The following ASCC1 variants were observed in gnomAD, a reference collection of about 807,000 sequenced individuals.
ASCC1 encodes ASC-1 complex subunit P50.
ASCC1 carries 35 observed loss-of-function variants against 46.6 expected under a neutral mutation model. That is an observed-to-expected ratio of 0.75 (90% CI 0.57 to 0.99). The LOEUF (loss-of-function observed/expected upper bound fraction) is 0.99. ASCC1 is among the 50% of genes least tolerant of loss of function. The pLI is 0.00. For missense variants in ASCC1, 376 were observed against 428.7 expected, an observed-to-expected ratio of 0.88 and a Z score of 1.09; for synonymous variants, 143 against 146.6, an observed-to-expected ratio of 0.98 and a Z score of 0.18.
chr10:72,111,396 G>A (rs190961900), intron 9 of ASCC1, among the ~76,000 whole-genome samples: 1 of 152,188 alleles, frequency 6.6e-6, no homozygotes, highest in African/African-American at 2.4e-5. Flanking sequence ...TGAAGTGGGA[G>A]GATCACTTAA....
chr10:72,114,737 T>C (rs181527967), intron 9 of ASCC1, among the ~76,000 whole-genome samples: 34 of 152,334 alleles, frequency 2.2e-4, no homozygotes, highest in African/African-American at 7.9e-4. Context: ...TTAGTTTATC[T>C]TGAGGGCCTA....
intron 8 of ASCC1, among the ~76,000 whole-genome samples, chr10:72,129,392 A>G (rs1845289920): frequency 6.6e-6 from 1 of 152,240 alleles, no homozygotes; most frequent in Admixed American, 6.5e-5. Flanking sequence ...ATGAAGCACC[A>G]GGCATGGTGG....
At chr10:72,122,828 T>G (rs1237756163) in intron 9 of ASCC1, among the ~76,000 whole-genome samples, 3 of 151,880 alleles carry the variant, frequency 2.0e-5, no homozygotes, top group Non-Finnish European at 4.4e-5. Flanking sequence ...CAAGAGAGAT[T>G]TAAAATATTT....
intron 8 of ASCC1, among the ~76,000 whole-genome samples, chr10:72,131,146 C>A (rs369410216): frequency 6.6e-6 from 1 of 152,074 alleles, no homozygotes; most frequent in African/African-American, 2.4e-5. Flanking sequence ...CTGGGCCGGG[C>A]GCAGTGGCTC....
chr10:72,152,181 T>TTG (rs1554831696), intron 7 of ASCC1, among the ~76,000 whole-genome samples: 5 of 150,668 alleles, frequency 3.3e-5, no homozygotes, highest in African/African-American at 1.2e-4. Flanking sequence ...GGTTTTTTTT[T>TTG]TTTTGTTTTT....
At chr10:72,158,047 TAAG>T (rs1302153188) in intron 6 of ASCC1, among the ~76,000 whole-genome samples, 1 of 152,050 alleles carries the variant, frequency 6.6e-6, no homozygotes, top group Admixed American at 6.6e-5. Context: ...GATGGGGTAC[TAAG>T]AAGAAAAAAA....
chr10:72,215,038 TTAGA>T (rs1245591384), intron 1 of ASCC1, among the ~76,000 whole-genome samples: 3 of 152,248 alleles, frequency 2.0e-5, no homozygotes, highest in South Asian at 2.1e-4. Flanking sequence ...CACGTACAGC[TTAGA>T]TAGTCTTGAA....
intron 7 of ASCC1, among the ~76,000 whole-genome samples, chr10:72,151,931 C>T (rs945368655): frequency 1.4e-4 from 21 of 151,478 alleles, no homozygotes; most frequent in Admixed American, 5.3e-4. Context: ...CCTCGTGATC[C>T]GCCCACCTCA....
At chr10:72,200,260 T>C (rs11000214) in intron 4 of ASCC1, among the ~76,000 whole-genome samples, 20,822 of 152,146 alleles carry the variant, frequency 0.14, 4,067 homozygotes, top group African/African-American at 0.43. Flanking sequence ...ATAGCAATTA[T>C]GTTTGGGGTT....
In ASCC1 at chr10:72,103,226, G is replaced by A. The variant is rs567260156; in HGVS notation, c.958-5776C>T. 2.3e-3 allele frequency among the ~76,000 whole-genome samples: 353 copies of A among 151,248 alleles called. 5 individuals carry two copies. The highest frequency in any genetic ancestry group is 8.0e-3 in the African/African-American group (328 of 41,048). Reference sequence around the variant, plus strand: ...CAGCTCACTGCAAGCTCCACCTCCCGGGTTCATGCCATTCTCCTGCCTCAG... The same window carrying A: ...CAGCTCACTGCAAGCTCCACCTCCCAGGTTCATGCCATTCTCCTGCCTCAG... On this transcript the variant is annotated intron_variant, in intron 9 of 9. Coordinates refer to ENST00000672957, the MANE Select transcript of ASCC1 (RefSeq NM_001198800.3).
intron 7 of ASCC1, among the ~76,000 whole-genome samples, chr10:72,151,501 G>A (rs898176636): frequency 1.3e-5 from 2 of 151,912 alleles, no homozygotes; most frequent in African/African-American, 4.8e-5. Flanking sequence ...TGTAAATGAC[G>A]AGTTAATGGG....
chr10:72,213,778 A>G (rs1178551040), intron 1 of ASCC1, among the ~76,000 whole-genome samples: 2 of 151,856 alleles, frequency 1.3e-5, no homozygotes, highest in African/African-American at 4.8e-5. Context: ...GGTGGCTCAC[A>G]CCTGTAATCC....
At chr10:72,197,687 C>CTTGAA (rs1230866035) in intron 4 of ASCC1, among the ~76,000 whole-genome samples, 3 of 151,804 alleles carry the variant, frequency 2.0e-5, no homozygotes, top group Non-Finnish European at 4.4e-5. Context: ...GGGCAGATCA[C>CTTGAA]TTGAGGTCAG....
At chr10:72,115,184 T>C (rs929964253) in intron 9 of ASCC1, among the ~76,000 whole-genome samples, 1 of 152,186 alleles carries the variant, frequency 6.6e-6, no homozygotes, top group Admixed American at 6.5e-5. Context: ...AGTGTTCTAT[T>C]GATGCATAAG....
At chr10:72,156,491 G>A (rs910980307) in intron 6 of ASCC1, among the ~76,000 whole-genome samples, 9 of 152,148 alleles carry the variant, frequency 5.9e-5, no homozygotes, top group Admixed American at 3.9e-4. Flanking sequence ...GGCCGGGTGC[G>A]GTGGCTCACG....
intron 9 of ASCC1, among the ~76,000 whole-genome samples, chr10:72,098,343 A>G (rs756352777): frequency 3.3e-5 from 5 of 152,238 alleles, no homozygotes; most frequent in Non-Finnish European, 7.3e-5. Flanking sequence ...TTAAAATGTC[A>G]GTACAATCCC....
chr10:72,193,842 ATTT>A (rs57489181), intron 5 of ASCC1, among the ~76,000 whole-genome samples: 16 of 140,948 alleles, frequency 1.1e-4, no homozygotes, highest in African/African-American at 3.1e-4. Flanking sequence ...AATAATACTG[ATTT>A]TTTTTTTTTT....
chr10:72,206,769 C>A (rs992224017), intron 3 of ASCC1, among the ~76,000 whole-genome samples: 1 of 152,150 alleles, frequency 6.6e-6, no homozygotes, highest in African/African-American at 2.4e-5. Context: ...CCAGGCCATA[C>A]AGAGGATTGA....
chr10:72,108,066 TTTTC>T (rs1038015377), intron 9 of ASCC1, among the ~76,000 whole-genome samples: 2 of 151,318 alleles, frequency 1.3e-5, no homozygotes, highest in Non-Finnish European at 2.9e-5. Context: ...TTCTTTTTCT[TTTTC>T]TTTTTCTTTT....
Sources: gnomAD v4.1 joint callset for allele counts (sites outside exome capture counted in the v4.1 genomes callset) on GRCh38, gnomAD v4.1.1 for gene constraint, MANE v1.5 for transcripts, NCBI Gene and HGNC (gene_info 2026-07-23, HGNC 2026-07-21) for gene names.